The following DGKB variants were observed in gnomAD, a reference collection of about 807,000 sequenced individuals.
The protein encoded by DGKB is diacylglycerol kinase beta.
Under a neutral mutation model 114.3 loss-of-function variants are expected in DGKB, and 67 were observed. That is an observed-to-expected ratio of 0.59 (90% CI 0.48 to 0.72). DGKB has a LOEUF of 0.72. Among genes scored for constraint, DGKB ranks in the 30% least tolerant of loss-of-function variants. The pLI is 0.00. For synonymous variants in DGKB, 398 were observed against 323.1 expected (o/e 1.23, Z -2.49); for missense variants, 907 against 975.2 (o/e 0.93, Z 0.93).
chr7:14,790,135 A>T (rs1272489119), intron 2 of DGKB, among the ~76,000 whole-genome samples: 1 of 151,858 alleles, frequency 6.6e-6, no homozygotes, highest in Non-Finnish European at 1.5e-5. Context: ...TTCTAATTAG[A>T]TTGTTTGTTT....
chr7:14,274,628 C>T (rs1248860127), intron 23 of DGKB, among the ~76,000 whole-genome samples: 1 of 152,074 alleles, frequency 6.6e-6, no homozygotes, highest in Non-Finnish European at 1.5e-5. Flanking sequence ...TCATCTCTTA[C>T]AGTTTAGAAG....
intron 2 of DGKB, among the ~76,000 whole-genome samples, chr7:14,838,381 T>C (rs1847442746): frequency 6.6e-6 from 1 of 152,154 alleles, no homozygotes; most frequent in Non-Finnish European, 1.5e-5. Context: ...CAGGAACTTT[T>C]CTTATAAGTA....
chr7:14,913,999 T>C (rs1028881954), intron 1 of DGKB, among the ~76,000 whole-genome samples: 2 of 152,164 alleles, frequency 1.3e-5, no homozygotes, highest in Admixed American at 1.3e-4. Flanking sequence ...AATGTAGCCC[T>C]ACTAGGTTCT....
intron 25 of DGKB, among the ~76,000 whole-genome samples, chr7:14,159,596 C>T (rs905298948): frequency 3.3e-5 from 5 of 152,126 alleles, no homozygotes; most frequent in African/African-American, 1.2e-4. Context: ...CATTGTAACA[C>T]TAGGACAAAA....
At chr7:14,806,550 G>A (rs1358498072) in intron 2 of DGKB, among the ~76,000 whole-genome samples, 2 of 151,922 alleles carry the variant, frequency 1.3e-5, no homozygotes, top group South Asian at 2.1e-4. Context: ...CATCGATATT[G>A]TTTTAGATTT....
intron 22 of DGKB, among the ~76,000 whole-genome samples, chr7:14,344,709 CT>C (rs34413578): frequency 8.8e-5 from 13 of 147,270 alleles, no homozygotes; most frequent in South Asian, 2.1e-4. Context: ...CCTACAGTGT[CT>C]TTTTTTTTTA....
chr7:14,519,347 T>C (rs989063093), intron 20 of DGKB, among the ~76,000 whole-genome samples: 2 of 152,094 alleles, frequency 1.3e-5, no homozygotes, highest in African/African-American at 4.8e-5. Flanking sequence ...GGAACATACA[T>C]GCAATCTTTC....
intron 23 of DGKB, among the ~76,000 whole-genome samples, chr7:14,182,685 T>TCAGGGGC (rs1381427856): frequency 1.3e-5 from 2 of 152,152 alleles, no homozygotes; most frequent in East Asian, 3.8e-4. Context: ...AATTTGAAAG[T>TCAGGGGC]CAGGGGCACA....
chr7:14,337,266 AT>A (rs1810847923), intron 23 of DGKB, among the ~76,000 whole-genome samples: 2 of 151,744 alleles, frequency 1.3e-5, no homozygotes, highest in Non-Finnish European at 2.9e-5. Flanking sequence ...CACGAACCTC[AT>A]TTTTTCTATA....
intron 21 of DGKB, among the ~76,000 whole-genome samples, chr7:14,469,901 C>T (rs545658172): frequency 6.6e-6 from 1 of 151,756 alleles, no homozygotes; most frequent in Non-Finnish European, 1.5e-5. Context: ...TAAATCGATG[C>T]ATCACAAATA....
At chr7:14,210,120 G>A (rs1252504919) in intron 23 of DGKB, among the ~76,000 whole-genome samples, 2 of 152,070 alleles carry the variant, frequency 1.3e-5, no homozygotes, top group Non-Finnish European at 2.9e-5. Flanking sequence ...CAGGTGCAAA[G>A]GAAATTTCAA....
At chr7:14,874,523 A>G (rs1248493332) in intron 1 of DGKB, among the ~76,000 whole-genome samples, 1 of 151,978 alleles carries the variant, frequency 6.6e-6, no homozygotes, top group Non-Finnish European at 1.5e-5. Context: ...AGTCCACTAC[A>G]ATATTTTACA....
intron 1 of DGKB, among the ~76,000 whole-genome samples, chr7:14,910,116 T>C (rs1783906347): frequency 6.6e-6 from 1 of 151,762 alleles, no homozygotes; most frequent in Non-Finnish European, 1.5e-5. Flanking sequence ...TAGTGACTAA[T>C]GTAGTCCCTA....
intron 9 of DGKB, 94 bp downstream of exon 9, chr7:14,693,981 G>A: frequency 2.1e-6 from 3 of 1,415,254 alleles, no homozygotes; most frequent in Middle Eastern, 1.9e-4. Context: ...ATGCTTAATG[G>A]TAGAAAATGG....
Position 14,239,920 on chromosome 7 carries a change from T to C in DGKB, c.2123-61769A>G, listed in dbSNP as rs972134061. ...GGACTAATACGTATCTATTTTACCA[T>C]ATTACCTTTATAAATCCTTAAAGGA... On this transcript the variant is annotated intron_variant, in intron 23 of 25. Transcript: ENST00000402815. Among the ~76,000 whole-genome samples the C allele has an allele frequency of 2.6e-5, 4 of 152,252 alleles. No homozygotes were observed. In the East Asian group the frequency reaches 7.7e-4, roughly 29 times the overall value.
At chr7:14,833,571 G>A (rs917602657) in intron 2 of DGKB, among the ~76,000 whole-genome samples, 3 of 152,098 alleles carry the variant, frequency 2.0e-5, no homozygotes, top group African/African-American at 7.2e-5. Flanking sequence ...TCATTTCATT[G>A]TTAGGCAATG....
At chr7:14,910,182 A>C (rs1313507969) in intron 1 of DGKB, among the ~76,000 whole-genome samples, 1 of 151,602 alleles carries the variant, frequency 6.6e-6, no homozygotes, top group Admixed American at 6.6e-5. Flanking sequence ...CAGAGGTTGC[A>C]GTGATCCGAG....
intron 2 of DGKB, among the ~76,000 whole-genome samples, chr7:14,813,961 T>G (rs1283475010): frequency 6.6e-6 from 1 of 152,194 alleles, no homozygotes; most frequent in Non-Finnish European, 1.5e-5. Context: ...ATATTTACAA[T>G]GCATTCTATT....
chr7:14,631,652 C>T (rs1809733887), intron 13 of DGKB, among the ~76,000 whole-genome samples: 1 of 151,938 alleles, frequency 6.6e-6, no homozygotes. Context: ...ATTTCAGTAA[C>T]ATTCTTGACT....
Sources: gnomAD v4.1 joint callset for allele counts (sites outside exome capture counted in the v4.1 genomes callset) on GRCh38, gnomAD v4.1.1 for gene constraint, MANE v1.5 for transcripts, NCBI Gene and HGNC (gene_info 2026-07-23, HGNC 2026-07-21) for gene names.